Variants in SNTG1 observed in about 807,000 individuals in gnomAD.
SNTG1 encodes the protein gamma-1-syntrophin.
A neutral mutation model predicts 74.7 loss-of-function variants in SNTG1; 39 were observed. The observed-to-expected ratio is 0.52, with a 90% CI of 0.40 to 0.68. The LOEUF (loss-of-function observed/expected upper bound fraction) is 0.68, where lower values mean the gene tolerates loss of function less well. SNTG1 is among the 30% of genes least tolerant of loss of function. The pLI, the probability that SNTG1 is intolerant of heterozygous loss-of-function variation, is 0.00. For missense variants in SNTG1, 685 were observed against 609.5 expected, an observed-to-expected ratio of 1.12 and a Z score of -1.30; for synonymous variants, 254 against 217.1, an observed-to-expected ratio of 1.17 and a Z score of -1.49.
intron 2 of SNTG1, among the ~76,000 whole-genome samples, chr8:50,181,062 C>A (rs931963329): frequency 5.9e-5 from 9 of 152,140 alleles, no homozygotes; most frequent in Non-Finnish European, 1.2e-4. Context: ...CTGCACCCGG[C>A]CTGTGAACTC....
intron 2 of SNTG1, among the ~76,000 whole-genome samples, chr8:50,199,592 A>T (rs1055967160): frequency 6.6e-6 from 1 of 152,152 alleles, no homozygotes; most frequent in South Asian, 2.1e-4. Flanking sequence ...TGTTGAAGCA[A>T]TTCTGAGAAA....
chr8:50,397,942 T>A (rs1170733478), intron 3 of SNTG1, among the ~76,000 whole-genome samples: 5 of 152,232 alleles, frequency 3.3e-5, no homozygotes, highest in Admixed American at 2.6e-4. Flanking sequence ...CAGTGAGCAC[T>A]ATATAAATAA....
intron 2 of SNTG1, among the ~76,000 whole-genome samples, chr8:50,177,469 T>G (rs2131689448): frequency 6.6e-6 from 1 of 152,290 alleles, no homozygotes; most frequent in Admixed American, 6.5e-5. Flanking sequence ...CAATCTTCAC[T>G]TCAACCTCAA....
intron 9 of SNTG1, among the ~76,000 whole-genome samples, chr8:50,523,330 A>G (rs1258440353): frequency 6.6e-6 from 1 of 152,206 alleles, no homozygotes; most frequent in Non-Finnish European, 1.5e-5. Context: ...TTTCCTTTGC[A>G]TTCACAACTT....
chr8:50,232,788 G>C (rs1231316533), intron 2 of SNTG1, among the ~76,000 whole-genome samples: 1 of 151,278 alleles, frequency 6.6e-6, no homozygotes, highest in Admixed American at 6.6e-5. Context: ...CTATATACTA[G>C]CAATACATTG....
intron 1 of SNTG1, among the ~76,000 whole-genome samples, chr8:50,039,709 C>T (rs937564193): frequency 6.6e-6 from 1 of 152,072 alleles, no homozygotes; most frequent in Non-Finnish European, 1.5e-5. Flanking sequence ...TTAGATTCCT[C>T]TGAGTGCTTT....
intron 17 of SNTG1, among the ~76,000 whole-genome samples, chr8:50,733,920 G>C (rs1003488204): frequency 6.6e-6 from 1 of 151,502 alleles, no homozygotes; most frequent in African/African-American, 2.4e-5. Context: ...TCTTATTACT[G>C]TCATGTCTAG....
chr8:50,691,255 G>T (rs1287927687), intron 15 of SNTG1, among the ~76,000 whole-genome samples: 2 of 152,092 alleles, frequency 1.3e-5, no homozygotes, highest in African/African-American at 2.4e-5. Context: ...TACATTTAAG[G>T]TTAATATTGT....
intron 17 of SNTG1, among the ~76,000 whole-genome samples, chr8:50,729,457 A>G (rs2095507679): frequency 6.6e-6 from 1 of 152,178 alleles, no homozygotes; most frequent in Non-Finnish European, 1.5e-5. Context: ...TAAATTTCAC[A>G]CAGGTTCTTT....
intron 1 of SNTG1, among the ~76,000 whole-genome samples, chr8:50,092,463 C>A (rs957336105): frequency 6.6e-6 from 1 of 152,068 alleles, no homozygotes; most frequent in Non-Finnish European, 1.5e-5. Context: ...CCTGACTGAC[C>A]GGCAGGAATG....
intron 8 of SNTG1, among the ~76,000 whole-genome samples, chr8:50,496,926 C>T (rs757386902): frequency 2.7e-5 from 4 of 149,436 alleles, no homozygotes; most frequent in Non-Finnish European, 4.4e-5. Flanking sequence ...CTGTATTTTC[C>T]AACCTGACAG....
At chr8:49,996,486 T>G (rs908073068) in intron 1 of SNTG1, among the ~76,000 whole-genome samples, 1 of 152,090 alleles carries the variant, frequency 6.6e-6, no homozygotes. Context: ...TCCAAAAGCC[T>G]CATACTGCAT....
At chr8:50,298,496 G>C (rs2089494801) in intron 2 of SNTG1, among the ~76,000 whole-genome samples, 1 of 152,086 alleles carries the variant, frequency 6.6e-6, no homozygotes, top group Non-Finnish European at 1.5e-5. Flanking sequence ...AGTTATGTTG[G>C]AAAAATTTCC....
At chr8:50,664,781 C>T (rs1249311485) in intron 15 of SNTG1, among the ~76,000 whole-genome samples, 3 of 152,052 alleles carry the variant, frequency 2.0e-5, no homozygotes, top group Non-Finnish European at 2.9e-5. Context: ...ACTTGAAGCC[C>T]AAGTGTAGTA....
chr8:50,097,489 T>C (rs995052640), intron 1 of SNTG1, among the ~76,000 whole-genome samples: 4 of 152,124 alleles, frequency 2.6e-5, no homozygotes, highest in African/African-American at 7.2e-5. Context: ...TAGTCAATTT[T>C]GAAACTAAGG....
chr8:50,290,978 G>T (rs980956972), intron 2 of SNTG1, among the ~76,000 whole-genome samples: 1 of 152,034 alleles, frequency 6.6e-6, no homozygotes, highest in African/African-American at 2.4e-5. Flanking sequence ...GGCTGGTCTC[G>T]ATCTCCTGAA....
intron 1 of SNTG1, among the ~76,000 whole-genome samples, chr8:49,959,868 T>G (rs182390770): frequency 2.8e-4 from 42 of 152,346 alleles, no homozygotes; most frequent in African/African-American, 9.9e-4. Context: ...TCCATGAATG[T>G]TACTGAAGTC....
At chr8:50,105,204 G>A (rs563790660) in intron 1 of SNTG1, among the ~76,000 whole-genome samples, 1 of 152,050 alleles carries the variant, frequency 6.6e-6, no homozygotes, top group South Asian at 2.1e-4. Flanking sequence ...GTTGATTTAT[G>A]TATATGGCGT....
intron 13 of SNTG1, among the ~76,000 whole-genome samples, chr8:50,607,521 A>G (rs1326170632): frequency 2.6e-5 from 4 of 151,656 alleles, no homozygotes; most frequent in Admixed American, 1.3e-4. Context: ...ATATTCTCTT[A>G]TAATACTTTA....
Sources: allele counts gnomAD v4.1 joint callset (sites outside exome capture counted in the v4.1 genomes callset), GRCh38; gene constraint gnomAD v4.1.1; transcripts MANE v1.5; gene names NCBI Gene and HGNC (gene_info 2026-07-23, HGNC 2026-07-21).